PTPRD: variants seen among roughly 807,000 people sequenced by gnomAD.
PTPRD encodes receptor-type tyrosine-protein phosphatase delta.
PTPRD carries 34 observed loss-of-function variants against 214.5 expected under a neutral mutation model. The ratio of observed to expected loss-of-function variants is 0.16; its 90% CI spans 0.12 to 0.21. PTPRD has a LOEUF of 0.21. Ranked by LOEUF, PTPRD falls within the 10% of genes least tolerant of loss-of-function variation. The pLI, the probability that PTPRD is intolerant of heterozygous loss-of-function variation, is 1.00. For missense variants in PTPRD, 2,545 were observed against 2,398.7 expected (o/e 1.06, Z -1.27); for synonymous variants, 1,128 against 845.7 (o/e 1.33, Z -5.79).
At chr9:8,435,328 A>G (rs2095298765) in intron 35 of PTPRD, among the ~76,000 whole-genome samples, 1 of 152,000 alleles carries the variant, frequency 6.6e-6, no homozygotes, top group African/African-American at 2.4e-5. Context: ...GTCCTCTTAG[A>G]GGTTACTACA....
chr9:9,622,021 C>T (rs1303225179), intron 7 of PTPRD, among the ~76,000 whole-genome samples: 2 of 152,146 alleles, frequency 1.3e-5, no homozygotes, highest in South Asian at 2.1e-4. Flanking sequence ...AAGAGGTTTA[C>T]AAGTATTATT....
intron 3 of PTPRD, among the ~76,000 whole-genome samples, chr9:10,169,865 A>G (rs1037905159): frequency 2.0e-5 from 3 of 152,202 alleles, no homozygotes; most frequent in African/African-American, 7.2e-5. Context: ...TAGTATGCTC[A>G]ATAGAAGGTG....
chr9:10,110,265 C>T (rs1202811582), intron 3 of PTPRD, among the ~76,000 whole-genome samples: 2 of 152,148 alleles, frequency 1.3e-5, no homozygotes, highest in South Asian at 2.1e-4. Context: ...TCTAGTTGCA[C>T]AAACTTGGAA....
At chr9:8,469,500 T>A in intron 31 of PTPRD, among the ~76,000 whole-genome samples, 1 of 152,036 alleles carries the variant, frequency 6.6e-6, no homozygotes, top group East Asian at 1.9e-4. Context: ...GAGAACCAAT[T>A]AAAATAGTAA....
At chr9:9,150,593 T>G (rs1280012654) in intron 10 of PTPRD, among the ~76,000 whole-genome samples, 1 of 151,660 alleles carries the variant, frequency 6.6e-6, no homozygotes, top group Non-Finnish European at 1.5e-5. Context: ...GTTCAAGTGA[T>G]TCTCCTGCCT....
chr9:9,333,126 A>G (rs1412191732), intron 9 of PTPRD, among the ~76,000 whole-genome samples: 2 of 151,976 alleles, frequency 1.3e-5, no homozygotes, highest in East Asian at 3.9e-4. Flanking sequence ...AGATACTTCA[A>G]ATATACCTGG....
intron 4 of PTPRD, among the ~76,000 whole-genome samples, chr9:9,966,609 T>C (rs1262478879): frequency 6.6e-6 from 1 of 152,148 alleles, no homozygotes; most frequent in East Asian, 1.9e-4. Context: ...CTTAAATATG[T>C]TGTAGTCACA....
intron 10 of PTPRD, among the ~76,000 whole-genome samples, chr9:9,139,326 AG>A (rs970512480): frequency 6.6e-6 from 1 of 152,194 alleles, no homozygotes; most frequent in South Asian, 2.1e-4. Flanking sequence ...AATGTTGATG[AG>A]GAAAAAAATT....
At chr9:9,203,299 A>G (rs942006675) in intron 9 of PTPRD, among the ~76,000 whole-genome samples, 1 of 152,078 alleles carries the variant, frequency 6.6e-6, no homozygotes, top group African/African-American at 2.4e-5. Flanking sequence ...TCTGAAATTT[A>G]GAAAGCCTAG....
At chr9:9,742,814 A>G (rs2154456683) in intron 6 of PTPRD, among the ~76,000 whole-genome samples, 1 of 152,282 alleles carries the variant, frequency 6.6e-6, no homozygotes, top group Non-Finnish European at 1.5e-5. Context: ...TGTAATTCAA[A>G]TGACATATCT....
At chr9:8,648,586 A>G (rs976332364) in intron 12 of PTPRD, among the ~76,000 whole-genome samples, 3 of 152,192 alleles carry the variant, frequency 2.0e-5, no homozygotes, top group Non-Finnish European at 4.4e-5. Context: ...TTTGCTTACT[A>G]CCTATTTATG....
intron 2 of PTPRD, among the ~76,000 whole-genome samples, chr9:10,402,036 C>G (rs754505433): frequency 6.6e-6 from 1 of 151,068 alleles, no homozygotes; most frequent in East Asian, 2.0e-4. Context: ...GAAAAATATT[C>G]ATAAAGTTTA....
At chr9:9,984,639 G>C (rs767060602) in intron 4 of PTPRD, among the ~76,000 whole-genome samples, 2 of 152,116 alleles carry the variant, frequency 1.3e-5, no homozygotes, top group Admixed American at 6.5e-5. Flanking sequence ...GGTGCACATG[G>C]GCATTTACAC....
At chr9:10,177,912 A>G (rs1432941525) in intron 3 of PTPRD, among the ~76,000 whole-genome samples, 1 of 151,982 alleles carries the variant, frequency 6.6e-6, no homozygotes, top group Non-Finnish European at 1.5e-5. Flanking sequence ...TACATCAAAT[A>G]TAAGGTACCA....
intron 3 of PTPRD, among the ~76,000 whole-genome samples, chr9:10,228,833 T>C (rs936472747): frequency 6.6e-6 from 1 of 151,346 alleles, no homozygotes; most frequent in Non-Finnish European, 1.5e-5. Flanking sequence ...TAAAAGTTTA[T>C]CTCTGCTTAT....
intron 7 of PTPRD, among the ~76,000 whole-genome samples, chr9:9,672,537 C>T (rs775829401): frequency 5.3e-5 from 8 of 152,128 alleles, no homozygotes; most frequent in Admixed American, 1.3e-4. Flanking sequence ...AGAGCTAATA[C>T]ATGGTAGAGA....
chr9:10,400,814 T>C (rs1160058662), intron 2 of PTPRD, among the ~76,000 whole-genome samples: 2 of 151,702 alleles, frequency 1.3e-5, no homozygotes, highest in Admixed American at 1.3e-4. Flanking sequence ...AATGATCTGA[T>C]AGTTTACTTA....
intron 5 of PTPRD, among the ~76,000 whole-genome samples, chr9:9,894,319 C>T (rs137889389): frequency 1.3e-5 from 2 of 152,158 alleles, no homozygotes; most frequent in East Asian, 3.9e-4. Context: ...AAAACCTTTT[C>T]ACCTGTGCAT....
At chr9:10,014,760 T>C (rs866009103) in intron 4 of PTPRD, among the ~76,000 whole-genome samples, 1 of 152,014 alleles carries the variant, frequency 6.6e-6, no homozygotes, top group Non-Finnish European at 1.5e-5. Context: ...TTATATGATA[T>C]AGACCTATTT....
Sources: gnomAD v4.1 joint callset for allele counts (sites outside exome capture counted in the v4.1 genomes callset) on GRCh38, gnomAD v4.1.1 for gene constraint, MANE v1.5 for transcripts, NCBI Gene and HGNC (gene_info 2026-07-23, HGNC 2026-07-21) for gene names.